SAMMSON: variants seen among roughly 807,000 people sequenced by gnomAD.
The protein encoded by SAMMSON is long intergenic non-protein coding RNA 1212.
At position 70,337,118 on chromosome 3, in the gene SAMMSON, TTAA is replaced by T. The variant is rs1031564466; in HGVS notation, n.740-17048_740-17046del. On this transcript the variant is annotated intron_variant and non_coding_transcript_variant, in intron 7 of 9. Coordinates refer to ENST00000642114, the Ensembl canonical transcript of SAMMSON. ...AATAATATCTAACTTAATATTCTTA[TTAA>T]TAATAATATCTAACTTAATATTATT... Among the ~76,000 whole-genome samples the T allele has an allele frequency of 1.6e-4, 19 of 118,260 alleles. 1 individual carries two copies. Among genetic ancestry groups the T allele is most frequent in the East Asian group, 8.4e-4 (4 of 4,778 alleles). The allele number at this position is 118,260 out of a possible 152,430, so 77.6% of individuals were successfully genotyped here. A position where few individuals can be genotyped will look rare whatever the true frequency, so the allele number is the denominator to read the frequency against.
intron 6 of SAMMSON, among the ~76,000 whole-genome samples, chr3:70,285,985 A>T (rs1702158088): frequency 6.6e-6 from 1 of 151,368 alleles, no homozygotes; most frequent in Non-Finnish European, 1.5e-5. Context: ...TAGGTTGTGA[A>T]AATTTTCTCC....
intron 4 of SAMMSON, chr3:70,096,087 GGCTCTT>G (rs1284594183): frequency 6.6e-6 from 1 of 152,200 alleles, no homozygotes; most frequent in Non-Finnish European, 1.5e-5. Context: ...TACTGGGGAA[GGCTCTT>G]CCTCTAACCT....
At chr3:70,126,214 A>G in intron 4 of SAMMSON, 12 of 1,084,296 alleles carry the variant, frequency 1.1e-5, no homozygotes, top group Admixed American at 4.2e-5. Context: ...TAAATAACCA[A>G]TTCTTTCTTT....
intron 4 of SAMMSON, among the ~76,000 whole-genome samples, chr3:70,247,048 T>A (rs1701714232): frequency 6.6e-6 from 1 of 151,388 alleles, no homozygotes; most frequent in African/African-American, 2.4e-5. Flanking sequence ...AGGATAGTTA[T>A]TTTTTTTTCT....
intron 3 of SAMMSON, among the ~76,000 whole-genome samples, chr3:70,020,553 G>A (rs1026742218): frequency 3.9e-5 from 6 of 152,104 alleles, no homozygotes; most frequent in East Asian, 1.9e-4. Flanking sequence ...TTATTGCAGA[G>A]TCTTCCCATC....
intron 7 of SAMMSON, among the ~76,000 whole-genome samples, chr3:70,309,533 A>G (rs1575622416): frequency 1.3e-5 from 2 of 152,328 alleles, no homozygotes; most frequent in East Asian, 3.9e-4. Context: ...TCAGGGAGAT[A>G]AAGTAACATG....
At chr3:70,086,331 A>T (rs2067285525) in intron 4 of SAMMSON, among the ~76,000 whole-genome samples, 1 of 152,206 alleles carries the variant, frequency 6.6e-6, no homozygotes, top group South Asian at 2.1e-4. Context: ...GTGTGAAAAT[A>T]ATTTTCCCTC....
intron 4 of SAMMSON, among the ~76,000 whole-genome samples, chr3:70,157,584 T>C (rs1043411421): frequency 6.6e-6 from 1 of 151,840 alleles, no homozygotes. Flanking sequence ...GTGAAGAGAG[T>C]GACAATACAA....
chr3:70,125,952 T>G, intron 4 of SAMMSON: 1 of 759,466 alleles, frequency 1.3e-6, no homozygotes. Context: ...GCTGAGGAGA[T>G]GTGGGTGGAA....
chr3:70,169,086 A>G (rs1394846350), intron 4 of SAMMSON, among the ~76,000 whole-genome samples: 1 of 152,044 alleles, frequency 6.6e-6, no homozygotes, highest in Non-Finnish European at 1.5e-5. Context: ...AAATATAAAA[A>G]GAAAGTTTCT....
At chr3:70,433,745 T>A (rs569570345) in intron 2 of SAMMSON, among the ~76,000 whole-genome samples, 3 of 152,252 alleles carry the variant, frequency 2.0e-5, no homozygotes, top group African/African-American at 7.2e-5. Context: ...TCACCTAGAT[T>A]TCCCCCCATG....
intron 4 of SAMMSON, among the ~76,000 whole-genome samples, chr3:70,187,630 G>A (rs995225767): frequency 6.6e-6 from 1 of 151,450 alleles, no homozygotes; most frequent in Non-Finnish European, 1.5e-5. Context: ...TACAGACGGG[G>A]TTTCACCGTG....
intron 6 of SAMMSON, among the ~76,000 whole-genome samples, chr3:70,266,469 G>A (rs978019363): frequency 3.3e-5 from 5 of 152,066 alleles, no homozygotes; most frequent in Admixed American, 2.6e-4. Flanking sequence ...CACCCAGGCT[G>A]GAGAGTAGTG....
intron 6 of SAMMSON, among the ~76,000 whole-genome samples, chr3:70,263,144 C>T (rs890481375): frequency 6.6e-6 from 1 of 151,922 alleles, no homozygotes; most frequent in Non-Finnish European, 1.5e-5. Flanking sequence ...ACTATAAACT[C>T]TATATTTGTC....
At chr3:70,213,161 A>G (rs1701366958) in intron 4 of SAMMSON, among the ~76,000 whole-genome samples, 1 of 151,600 alleles carries the variant, frequency 6.6e-6, no homozygotes, top group Non-Finnish European at 1.5e-5. Context: ...CTTTATAGAG[A>G]CAGGTTCTTG....
At position 70,138,566 on chromosome 3, in the gene SAMMSON, A is replaced by T. The variant is rs2067515518; in HGVS notation, n.507+67001A>T. 2.0e-5 allele frequency among the ~76,000 whole-genome samples: 3 copies of T among 152,238 alleles called. No homozygotes were observed. In the South Asian group the frequency reaches 6.2e-4, roughly 31 times the overall value. On this transcript the variant is annotated intron_variant and non_coding_transcript_variant, in intron 4 of 9. Coordinates refer to ENST00000642114, the Ensembl canonical transcript of SAMMSON. ...GGTGGCTAGAATTTTAATATATGAA[A>T]TCATGGGGGGACATAAACATTTAGT...
chr3:70,023,618 A>G (rs996377442), intron 3 of SAMMSON, among the ~76,000 whole-genome samples: 1 of 152,124 alleles, frequency 6.6e-6, no homozygotes, highest in African/African-American at 2.4e-5. Flanking sequence ...TAAAAATGTG[A>G]ATCTTAACTC....
chr3:70,095,975 GGTCATGA>G (rs1317921181), intron 4 of SAMMSON: 3 of 152,122 alleles, frequency 2.0e-5, no homozygotes, highest in African/African-American at 7.2e-5. Context: ...CAGTTTCTGT[GGTCATGA>G]GTCCAGCATG....
At chr3:70,316,738 G>A (rs1702497098) in intron 7 of SAMMSON, among the ~76,000 whole-genome samples, 2 of 152,002 alleles carry the variant, frequency 1.3e-5, no homozygotes, top group Admixed American at 1.3e-4. Context: ...CCCAGGAGAA[G>A]GTTACAGCTA....
Sources: allele counts gnomAD v4.1 joint callset (sites outside exome capture counted in the v4.1 genomes callset), GRCh38; gene constraint gnomAD v4.1.1; transcripts MANE v1.5; gene names NCBI Gene and HGNC (gene_info 2026-07-23, HGNC 2026-07-21).